Variants in MYZAP observed in about 807,000 individuals in gnomAD.
MYZAP encodes the protein myocardial zonula adherens protein.
In MYZAP, 66 loss-of-function variants were observed where a neutral mutation model predicts 69.4. That is an observed-to-expected ratio of 0.95 (90% CI 0.78 to 1.17). The LOEUF (loss-of-function observed/expected upper bound fraction) is 1.17, where lower values mean the gene tolerates loss of function less well. Among genes scored for constraint, MYZAP ranks in the 50% most tolerant of loss-of-function variants. The pLI is 0.00. For synonymous variants in MYZAP, 256 were observed against 205.9 expected (o/e 1.24, Z -2.09); for missense variants, 611 against 556.2 (o/e 1.10, Z -0.99).
chr15:57,663,777 G>C (rs1473025279), intron 11 of MYZAP, among the ~76,000 whole-genome samples: 3 of 152,168 alleles, frequency 2.0e-5, no homozygotes, highest in African/African-American at 7.2e-5. Context: ...GTGGGTGGCA[G>C]TGTCAGCTAT....
intron 2 of MYZAP, among the ~76,000 whole-genome samples, chr15:57,609,058 A>G (rs945002113): frequency 6.6e-6 from 1 of 152,200 alleles, no homozygotes; most frequent in Non-Finnish European, 1.5e-5. Context: ...ACGTGCTGCT[A>G]AGAACTCCAC....
chr15:57,604,003 C>T (rs760414041), intron 1 of MYZAP, among the ~76,000 whole-genome samples: 35 of 152,150 alleles, frequency 2.3e-4, no homozygotes, highest in Non-Finnish European at 4.4e-4. Flanking sequence ...GAAACTGAGC[C>T]ATTGGTAAAG....
chr15:57,601,973 A>T (rs1293519153), intron 1 of MYZAP, among the ~76,000 whole-genome samples: 3 of 152,114 alleles, frequency 2.0e-5, no homozygotes, highest in Admixed American at 6.5e-5. Context: ...ATGGGTCCCA[A>T]ACCTGGGCTC....
intron 10 of MYZAP, among the ~76,000 whole-genome samples, chr15:57,656,991 G>C (rs1347689500): frequency 6.6e-6 from 1 of 152,098 alleles, no homozygotes; most frequent in Non-Finnish European, 1.5e-5. Flanking sequence ...TCTCTCATGA[G>C]AAGTCTAGAG....
intron 2 of MYZAP, among the ~76,000 whole-genome samples, chr15:57,607,388 C>G (rs2034821868): frequency 6.6e-6 from 1 of 152,238 alleles, no homozygotes; most frequent in Non-Finnish European, 1.5e-5. Flanking sequence ...CAACTGGAGT[C>G]AACAAATTGT....
intron 10 of MYZAP, among the ~76,000 whole-genome samples, chr15:57,653,208 A>T (rs1166829337): frequency 6.6e-6 from 1 of 152,206 alleles, no homozygotes; most frequent in Non-Finnish European, 1.5e-5. Context: ...GAAAACAATG[A>T]AATGAAAATG....
At chr15:57,683,207 A>G (rs1256931358) in intron 12 of MYZAP, among the ~76,000 whole-genome samples, 1 of 152,170 alleles carries the variant, frequency 6.6e-6, no homozygotes, top group Non-Finnish European at 1.5e-5. Context: ...GCCGCCAACT[A>G]CCAAGCTGCA....
intron 1 of MYZAP, among the ~76,000 whole-genome samples, chr15:57,596,645 C>T (rs1224448093): frequency 2.0e-5 from 3 of 152,224 alleles, no homozygotes; most frequent in Admixed American, 1.3e-4. Flanking sequence ...AGAGCCTCCT[C>T]AGTACTGCCA....
chr15:57,680,007 T>C (rs1457730779), intron 12 of MYZAP, among the ~76,000 whole-genome samples: 2 of 152,196 alleles, frequency 1.3e-5, no homozygotes, highest in Non-Finnish European at 2.9e-5. Flanking sequence ...ATCTGCAGCT[T>C]TGGCAAATTC....
chr15:57,657,158 C>G (rs1439499833), intron 10 of MYZAP, among the ~76,000 whole-genome samples: 2 of 152,174 alleles, frequency 1.3e-5, no homozygotes, highest in Non-Finnish European at 2.9e-5. Flanking sequence ...TCTTGCTTTC[C>G]TTGCCTCACA....
intron 11 of MYZAP, among the ~76,000 whole-genome samples, chr15:57,668,891 TA>T (rs1399202841): frequency 0.014 from 1,360 of 95,102 alleles, 16 homozygotes; most frequent in African/African-American, 0.046. Flanking sequence ...TATATATATA[TA>T]TATTTTTTTT....
intron 10 of MYZAP, among the ~76,000 whole-genome samples, chr15:57,659,207 C>T (rs1318377466): frequency 1.3e-5 from 2 of 152,050 alleles, no homozygotes; most frequent in East Asian, 3.9e-4. Flanking sequence ...CACCTCATGT[C>T]CTTGTTTTCA....
chr15:57,620,406 G>A (rs2035735888), intron 3 of MYZAP, among the ~76,000 whole-genome samples: 1 of 152,212 alleles, frequency 6.6e-6, no homozygotes, highest in Non-Finnish European at 1.5e-5. Context: ...GGAGTGTGCT[G>A]GAGAAAACTC....
intron 3 of MYZAP, among the ~76,000 whole-genome samples, chr15:57,619,788 A>G (rs1337247725): frequency 6.6e-6 from 1 of 152,184 alleles, no homozygotes; most frequent in Admixed American, 6.5e-5. Context: ...CTCCGGAGGT[A>G]TGGCTCCTCC....
At chr15:57,638,441 T>TA (rs1264697090) in intron 9 of MYZAP, among the ~76,000 whole-genome samples, 2 of 152,188 alleles carry the variant, frequency 1.3e-5, no homozygotes, top group African/African-American at 2.4e-5. Flanking sequence ...TTAAGAGAAC[T>TA]ATTGGGCTTG....
chr15:57,609,716 A>G (rs1412637869), intron 2 of MYZAP, among the ~76,000 whole-genome samples: 1 of 152,226 alleles, frequency 6.6e-6, no homozygotes, highest in African/African-American at 2.4e-5. Flanking sequence ...AACATTAAAA[A>G]TCATTAATAA....
At chr15:57,679,176 CAA>C (rs1175770766) in intron 12 of MYZAP, among the ~76,000 whole-genome samples, 2 of 149,450 alleles carry the variant, frequency 1.3e-5, no homozygotes, top group East Asian at 3.9e-4. Context: ...AACTCCGTCT[CAA>C]AAAAAAATGC....
intron 12 of MYZAP, among the ~76,000 whole-genome samples, chr15:57,681,779 G>T (rs1408924573): frequency 6.6e-6 from 1 of 151,388 alleles, no homozygotes; most frequent in Non-Finnish European, 1.5e-5. Flanking sequence ...AGAGAGATTT[G>T]GTCTCAAAAA....
intron 1 of MYZAP, among the ~76,000 whole-genome samples, chr15:57,595,299 C>A (rs1416767037): frequency 3.3e-5 from 5 of 152,164 alleles, no homozygotes; most frequent in African/African-American, 1.2e-4. Context: ...ATTAAAAAAA[C>A]TTCCTTCAAA....
Sources: allele counts gnomAD v4.1 joint callset (sites outside exome capture counted in the v4.1 genomes callset), GRCh38; gene constraint gnomAD v4.1.1; transcripts MANE v1.5; gene names NCBI Gene and HGNC (gene_info 2026-07-23, HGNC 2026-07-21).